Variants in MAGI2 observed in about 807,000 individuals in gnomAD.
The protein encoded by MAGI2 is membrane associated guanylate kinase, WW and PDZ domain containing 2, also known as membrane-associated guanylate kinase, WW and PDZ domain-containing protein 2.
In MAGI2, 35 loss-of-function variants were observed where a neutral mutation model predicts 133.3. That is an observed-to-expected ratio of 0.26 (90% CI 0.20 to 0.35). MAGI2 has a LOEUF of 0.35. Among genes scored for constraint, MAGI2 ranks in the 10% least tolerant of loss-of-function variants. The probability of loss-of-function intolerance (pLI) is 1.00; values close to 1 mark genes in which losing one functional copy is unlikely to be tolerated. For synonymous variants in MAGI2, 729 were observed against 710.6 expected (o/e 1.03, Z -0.41); for missense variants, 1,636 against 1,863.4 (o/e 0.88, Z 2.25).
intron 3 of MAGI2, among the ~76,000 whole-genome samples, chr7:78,558,837 G>GTTTTTTTTTTTTTTTTTTT (rs10691115): frequency 7.7e-6 from 1 of 130,054 alleles, no homozygotes; most frequent in African/African-American, 2.9e-5. Context: ...TTGAGACACC[G>GTTTTTTTTTTTTTTTTTTT]TTTTTTTTTT....
intron 3 of MAGI2, among the ~76,000 whole-genome samples, chr7:78,622,670 G>A (rs982924889): frequency 3.9e-5 from 6 of 152,010 alleles, no homozygotes; most frequent in Non-Finnish European, 8.8e-5. Context: ...ATGACAAGTA[G>A]TGAAGAAATG....
chr7:78,595,743 G>A (rs1158681388), intron 3 of MAGI2, among the ~76,000 whole-genome samples: 1 of 152,146 alleles, frequency 6.6e-6, no homozygotes, highest in African/African-American at 2.4e-5. Flanking sequence ...TCAGAGCCTG[G>A]TGGGTTACGG....
chr7:78,804,763 A>AAAAAACAAACAAAC (rs1554576110), intron 2 of MAGI2, among the ~76,000 whole-genome samples: 1 of 146,350 alleles, frequency 6.8e-6, no homozygotes, highest in African/African-American at 2.6e-5. Flanking sequence ...AAAAAAAAAA[A>AAAAAACAAACAAAC]AAAAAAAAAC....
chr7:79,294,955 G>T (rs1262046632), intron 1 of MAGI2, among the ~76,000 whole-genome samples: 2 of 151,146 alleles, frequency 1.3e-5, no homozygotes, highest in Non-Finnish European at 3.0e-5. Context: ...AGCCACGATG[G>T]TCTCGATCTC....
chr7:79,071,553 G>A (rs1027078017), intron 1 of MAGI2, among the ~76,000 whole-genome samples: 8 of 152,222 alleles, frequency 5.3e-5, no homozygotes, highest in African/African-American at 1.4e-4. Context: ...GCCCACAGCC[G>A]CCCCTTCCCC....
At chr7:78,855,073 T>C (rs1563583684) in intron 2 of MAGI2, among the ~76,000 whole-genome samples, 4 of 152,038 alleles carry the variant, frequency 2.6e-5, no homozygotes, top group South Asian at 4.1e-4. Flanking sequence ...CCAGGCTGAA[T>C]TACTTTTTAA....
chr7:78,779,821 T>C (rs141313380), intron 2 of MAGI2, among the ~76,000 whole-genome samples: 2 of 152,304 alleles, frequency 1.3e-5, no homozygotes, highest in African/African-American at 4.8e-5. Context: ...CAACATCCCT[T>C]TCAATCCCCA....
At chr7:79,056,711 T>C (rs1813178685) in intron 1 of MAGI2, among the ~76,000 whole-genome samples, 2 of 152,202 alleles carry the variant, frequency 1.3e-5, no homozygotes, top group Admixed American at 1.3e-4. Flanking sequence ...ACTAGATATT[T>C]CAAAGGAGTC....
At chr7:79,316,293 T>C (rs1838718095) in intron 1 of MAGI2, among the ~76,000 whole-genome samples, 1 of 152,140 alleles carries the variant, frequency 6.6e-6, no homozygotes, top group Admixed American at 6.5e-5. Context: ...TTACTCTTTG[T>C]TTTTCTCTGT....
At chr7:78,463,460 G>C (rs985549199) in intron 6 of MAGI2, among the ~76,000 whole-genome samples, 1 of 152,214 alleles carries the variant, frequency 6.6e-6, no homozygotes, top group African/African-American at 2.4e-5. Context: ...CTTTCATTTA[G>C]ATGTATTCTA....
At chr7:79,007,825 A>C (rs537326121) in intron 1 of MAGI2, among the ~76,000 whole-genome samples, 1 of 152,222 alleles carries the variant, frequency 6.6e-6, no homozygotes, top group East Asian at 1.9e-4. Context: ...CAATAAATAA[A>C]AGGAATTTCT....
At chr7:78,472,943 C>T (rs1791375172) in intron 6 of MAGI2, among the ~76,000 whole-genome samples, 1 of 152,012 alleles carries the variant, frequency 6.6e-6, no homozygotes. Flanking sequence ...GGAAAGGTCA[C>T]CAACTGAGGA....
rs1797951183 is a variant in MAGI2, at chr7:78,536,582, TGGTTA to T, written c.539-14942_539-14938del. Among the ~76,000 whole-genome samples, 4 of 152,202 alleles carry T rather than the reference TGGTTA, an allele frequency of 2.6e-5. No individual in the cohort carries two copies. In the South Asian group the frequency reaches 8.3e-4, roughly 32 times the overall value. ...AGGAGAAAAACAGAAAACAGAGTAA[TGGTTA>T]GGAAGGAACTAATATGAGCAGCTTG... On this transcript the variant is annotated intron_variant, in intron 3 of 21. Coordinates refer to ENST00000354212, the MANE Select transcript of MAGI2 (RefSeq NM_012301.4).
intron 21 of MAGI2, among the ~76,000 whole-genome samples, chr7:78,033,572 C>T (rs1175563364): frequency 6.6e-6 from 1 of 152,048 alleles, no homozygotes; most frequent in African/African-American, 2.4e-5. Flanking sequence ...CAGTTAGTGC[C>T]TTCAGGGAAC....
chr7:79,053,379 A>G (rs564103881), intron 1 of MAGI2, among the ~76,000 whole-genome samples: 13 of 152,300 alleles, frequency 8.5e-5, no homozygotes, highest in African/African-American at 3.1e-4. Context: ...TTTTCCAAAA[A>G]CAAATACATG....
chr7:78,889,246 C>T (rs1219851812), intron 2 of MAGI2, among the ~76,000 whole-genome samples: 1 of 152,300 alleles, frequency 6.6e-6, no homozygotes, highest in African/African-American at 2.4e-5. Context: ...ACCAAATCTA[C>T]GTCTGATTGG....
intron 1 of MAGI2, chr7:79,139,754 A>C (rs1283691037): frequency 6.6e-6 from 1 of 152,254 alleles, no homozygotes; most frequent in African/African-American, 2.4e-5. Context: ...ACCTGGATTC[A>C]AAGGCTGTTT....
chr7:78,668,999 C>T (rs1353302878), intron 2 of MAGI2, among the ~76,000 whole-genome samples: 1 of 151,986 alleles, frequency 6.6e-6, no homozygotes, highest in African/African-American at 2.4e-5. Context: ...CCTAACATCA[C>T]AATTAAAAGA....
intron 6 of MAGI2, among the ~76,000 whole-genome samples, chr7:78,435,940 A>G (rs974371668): frequency 1.2e-4 from 19 of 152,194 alleles, no homozygotes; most frequent in African/African-American, 4.3e-4. Context: ...GGTTTTGCAC[A>G]TTCTCAAAGC....
Sources: allele counts gnomAD v4.1 joint callset (sites outside exome capture counted in the v4.1 genomes callset), GRCh38; gene constraint gnomAD v4.1.1; transcripts MANE v1.5; gene names NCBI Gene and HGNC (gene_info 2026-07-23, HGNC 2026-07-21).